The following RIN2 variants were observed in gnomAD, a reference collection of about 807,000 sequenced individuals.
RIN2 encodes RAB5 interacting protein 2.
Under a neutral mutation model 78.0 loss-of-function variants are expected in RIN2, and 36 were observed. That is an observed-to-expected ratio of 0.46 (90% confidence interval 0.35 to 0.61). The LOEUF (loss-of-function observed/expected upper bound fraction) is 0.61, where lower values mean the gene tolerates loss of function less well. Ranked by LOEUF, RIN2 falls within the 20% of genes least tolerant of loss-of-function variation. RIN2 has a pLI of 0.00. For missense variants in RIN2, 1,087 were observed against 1,159.7 expected (o/e 0.94, Z 0.91); for synonymous variants, 466 against 466.8 (o/e 1.00, Z 0.02).
Position 19,786,099 on chromosome 20 carries a change from A to G in RIN2, c.-162-13523A>G, listed in dbSNP as rs1422003558. Among the ~76,000 whole-genome samples, 12 of 152,286 alleles carry G rather than the reference A, an allele frequency of 7.9e-5. No homozygotes were observed. In the East Asian group the frequency reaches 2.3e-3, roughly 30 times the overall value. ...AGATTGTATTTTTCTAAACATAGCC[A>G]CAATGTCATCACCCATCCCACACCT... is the stretch of plus-strand genomic sequence containing the variant. On this transcript the variant is annotated intron_variant, in intron 1 of 12. Coordinates refer to ENST00000255006, the MANE Select transcript of RIN2 (RefSeq NM_018993.4).
intron 1 of RIN2, among the ~76,000 whole-genome samples, chr20:19,761,299 T>C (rs1250465757): frequency 6.6e-6 from 1 of 152,242 alleles, no homozygotes; most frequent in Non-Finnish European, 1.5e-5. Flanking sequence ...GCAGTGTATG[T>C]ACAGAGCAGG....
intron 2 of RIN2, chr20:19,872,387 GA>G (rs1391779036): frequency 6.6e-6 from 1 of 152,252 alleles, no homozygotes; most frequent in Non-Finnish European, 1.5e-5. Context: ...ACGAAGTAGG[GA>G]AGGTGTGGGG....
intron 2 of RIN2, among the ~76,000 whole-genome samples, chr20:19,821,662 C>G (rs182324007): frequency 6.7e-6 from 1 of 148,946 alleles, no homozygotes; most frequent in Non-Finnish European, 1.5e-5. Context: ...TCACGCTGCT[C>G]TCTCTCTCTC....
intron 1 of RIN2, among the ~76,000 whole-genome samples, chr20:19,793,196 A>G (rs1378375702): frequency 6.6e-6 from 1 of 152,334 alleles, no homozygotes; most frequent in East Asian, 1.9e-4. Context: ...TTTTAATAAG[A>G]TATCGTATTT....
chr20:19,783,934 G>A (rs961650808), intron 1 of RIN2, among the ~76,000 whole-genome samples: 1 of 152,178 alleles, frequency 6.6e-6, no homozygotes, highest in Non-Finnish European at 1.5e-5. Context: ...CGGGGATGCT[G>A]GCTGTGTGGA....
intron 1 of RIN2, among the ~76,000 whole-genome samples, chr20:19,798,828 C>T (rs2035151471): frequency 6.6e-6 from 1 of 152,040 alleles, no homozygotes. Flanking sequence ...TGCATTCATG[C>T]ATGTACTTAG....
chr20:19,878,557 A>C (rs2037927072), intron 2 of RIN2, among the ~76,000 whole-genome samples: 1 of 152,226 alleles, frequency 6.6e-6, no homozygotes, highest in South Asian at 2.1e-4. Context: ...TGGTAGGAGA[A>C]TAGAACATAC....
intron 2 of RIN2, among the ~76,000 whole-genome samples, chr20:19,884,959 T>C: frequency 6.6e-6 from 1 of 152,170 alleles, no homozygotes; most frequent in East Asian, 1.9e-4. Flanking sequence ...AATTTGGCTG[T>C]AAAATAATTA....
chr20:19,855,959 A>G (rs1333519427), intron 2 of RIN2, among the ~76,000 whole-genome samples: 1 of 152,176 alleles, frequency 6.6e-6, no homozygotes, highest in Non-Finnish European at 1.5e-5. Flanking sequence ...CTGTGATCCC[A>G]GCTACTCGGG....
rs571467648 is a variant in RIN2 at position 19,958,995 on chromosome 20, C to T, written c.352-1705C>T. Among the ~76,000 whole-genome samples the T allele has an allele frequency of 2.2e-4, 33 of 152,260 alleles. 1 individual carries two copies. The highest frequency in any genetic ancestry group is 7.7e-4 in the East Asian group (4 of 5,178). ...GAAGTGGGCTCTTGGGGTGCCCATC[C>T]TTAATTATTCTACAATCTAAGATAG... On this transcript the variant is annotated intron_variant, in intron 5 of 12. Coordinates refer to ENST00000255006, the MANE Select transcript of RIN2 (RefSeq NM_018993.4).
chr20:19,940,399 G>C (rs897385071), intron 4 of RIN2, among the ~76,000 whole-genome samples: 2 of 152,226 alleles, frequency 1.3e-5, no homozygotes, highest in African/African-American at 4.8e-5. Context: ...AGTTGAAAAT[G>C]TGTGACAGGC....
Position 19,965,145 on chromosome 20 carries a change from C to T in RIN2, c.536+121C>T, listed in dbSNP as rs2041895496. 3 of 780,756 alleles carry T rather than the reference C, an allele frequency of 3.8e-6. No homozygotes were observed. In the East Asian group the frequency reaches 7.5e-5, roughly 20 times the overall value. 48.4% of individuals were successfully genotyped at this position (780,756 alleles called of 1,614,324 possible). ...CCTATTTGATGTTGGCAGATTAAGA[C>T]TGGTTACTTAAGTAAAATGTTCACC... is the stretch of plus-strand genomic sequence containing the variant. On this transcript the variant is annotated intron_variant, in intron 7 of 12. Transcript: ENST00000255006.
intron 2 of RIN2, among the ~76,000 whole-genome samples, chr20:19,826,519 A>G (rs1273373292): frequency 6.6e-6 from 1 of 152,170 alleles, no homozygotes; most frequent in Non-Finnish European, 1.5e-5. Flanking sequence ...CTATAGATTC[A>G]AGTTGAAAAG....
chr20:19,906,646 T>C (rs1385339733), intron 3 of RIN2, among the ~76,000 whole-genome samples: 1 of 152,128 alleles, frequency 6.6e-6, no homozygotes, highest in Non-Finnish European at 1.5e-5. Context: ...AGAATAGATA[T>C]CCCATCTAAC....
intron 1 of RIN2, among the ~76,000 whole-genome samples, chr20:19,768,922 C>CT (rs778608472): frequency 0.23 from 31,894 of 135,774 alleles, 4,014 homozygotes; most frequent in East Asian, 0.33. Flanking sequence ...CTTTCTGTTT[C>CT]TTTTTTTTTT....
At chr20:19,787,891 C>T (rs1372311521) in intron 1 of RIN2, among the ~76,000 whole-genome samples, 3 of 152,142 alleles carry the variant, frequency 2.0e-5, no homozygotes, top group Non-Finnish European at 4.4e-5. Flanking sequence ...ACAAGACAAT[C>T]TCAGATCTAC....
chr20:19,970,417 C>T (rs2042067190), intron 7 of RIN2, among the ~76,000 whole-genome samples: 1 of 152,208 alleles, frequency 6.6e-6, no homozygotes, highest in Non-Finnish European at 1.5e-5. Context: ...AGGCAATGGG[C>T]TAATTCATCT....
At chr20:19,886,482 C>G in intron 2 of RIN2, 1 of 534,508 alleles carries the variant, frequency 1.9e-6, no homozygotes. Context: ...CTGCCTTTGT[C>G]CATTAGCGCC....
intron 4 of RIN2, among the ~76,000 whole-genome samples, chr20:19,940,453 C>T (rs187054580): frequency 6.6e-6 from 1 of 152,336 alleles, no homozygotes; most frequent in East Asian, 1.9e-4. Flanking sequence ...GAGGCCCTTC[C>T]CCCAGTCTCC....
Sources: gnomAD v4.1 joint callset for allele counts (sites outside exome capture counted in the v4.1 genomes callset) on GRCh38, gnomAD v4.1.1 for gene constraint, MANE v1.5 for transcripts, NCBI Gene and HGNC (gene_info 2026-07-23, HGNC 2026-07-21) for gene names.